The following EIF4B variants were observed in gnomAD, a reference collection of about 807,000 sequenced individuals.
The protein encoded by EIF4B is eukaryotic translation initiation factor 4B.
EIF4B carries 8 observed loss-of-function variants against 79.3 expected under a neutral mutation model. The ratio of observed to expected loss-of-function variants is 0.10; its 90% CI spans 0.06 to 0.18. The LOEUF is 0.18. Ranked by LOEUF, EIF4B falls within the 10% of genes least tolerant of loss-of-function variation. EIF4B has a pLI of 1.00. For synonymous variants in EIF4B, 238 were observed against 274.7 expected (o/e 0.87, Z 1.32); for missense variants, 515 against 792.4 (o/e 0.65, Z 4.20).
intron 1 of EIF4B, among the ~76,000 whole-genome samples, chr12:53,011,731 G>C (rs570916997): frequency 6.6e-6 from 1 of 152,278 alleles, no homozygotes; most frequent in East Asian, 1.9e-4. Flanking sequence ...TTGTTTAACG[G>C]CTTCTGGACT....
chr12:53,026,805 GT>G (rs1197311696), intron 6 of EIF4B, among the ~76,000 whole-genome samples: 3 of 152,012 alleles, frequency 2.0e-5, no homozygotes, highest in Admixed American at 2.0e-4. Flanking sequence ...GTTTCACCAT[GT>G]TGCCCAGGCT....
chr12:53,027,137 A>AATTTTTTTTTTTTT (rs1491387300), intron 6 of EIF4B, among the ~76,000 whole-genome samples: 2 of 25,744 alleles, frequency 7.8e-5, no homozygotes, highest in East Asian at 3.4e-3. Context: ...AAAAAAAAAA[A>AATTTTTTTTTTTTT]TTTTTTTTTT....
At position 53,015,842 on chromosome 12, in the gene EIF4B, G is replaced by C. The variant is rs560979123; in HGVS notation, c.14-631G>C. Among the ~76,000 whole-genome samples the C allele has an allele frequency of 3.3e-5, 5 of 151,886 alleles. No homozygotes were observed. In the South Asian group the frequency reaches 8.3e-4, roughly 25 times the overall value. The stretch of plus-strand genomic sequence containing the variant: ...AAACACAAAAAATTAGCTGGGCATG[G>C]TGGCGGGTGCCTGTAATCCCAAGTA... On this transcript the variant is annotated intron_variant, in intron 1 of 14. Transcript: ENST00000262056.
rs1943639924 is a variant in EIF4B, at chr12:53,041,569, C to T, written c.*1346C>T. 6.6e-6 allele frequency: 1 copy of T among 152,062 alleles called. No homozygotes were observed. The highest frequency in any genetic ancestry group is 2.4e-5 in the African/African-American group (1 of 41,406). 9.4% of individuals were successfully genotyped at this position (152,062 alleles called of 1,614,324 possible). A position where few individuals can be genotyped will look rare whatever the true frequency, so the allele number is the denominator to read the frequency against. Reference sequence around the variant, plus strand: ...ATGGAGAGAACTATTTAACAAGGTCCTGGTTTCTCTTGCAACACAGTAGCT... The same window carrying T: ...ATGGAGAGAACTATTTAACAAGGTCTTGGTTTCTCTTGCAACACAGTAGCT... On this transcript the variant is annotated 3_prime_UTR_variant, in exon 15 of 15. Transcript: ENST00000262056.
intron 6 of EIF4B, 135 bp from the exon 7 acceptor site, chr12:53,027,646 AC>A: frequency 7.1e-7 from 1 of 1,416,852 alleles, no homozygotes; most frequent in Non-Finnish European, 9.4e-7. Context: ...CAATTATTTC[AC>A]CAGGGAAACT....
intron 14 of EIF4B, 163 bp from the exon 15 acceptor site, chr12:53,039,980 A>C: frequency 3.8e-6 from 3 of 787,184 alleles, no homozygotes; most frequent in Non-Finnish European, 6.2e-6. Flanking sequence ...TGTGCCTCTG[A>C]CCCTCTTCCC....
intron 6 of EIF4B, 25 bp from the exon 7 acceptor site, chr12:53,027,757 G>A (rs202242343): frequency 6.9e-6 from 11 of 1,602,974 alleles, no homozygotes; most frequent in Non-Finnish European, 9.4e-6. Flanking sequence ...AAAAGGGGAT[G>A]GTGTTACTTG....
intron 4 of EIF4B, 152 bp downstream of exon 4, chr12:53,020,178 A>G (rs1404076486): frequency 3.4e-6 from 2 of 591,468 alleles, no homozygotes; most frequent in Non-Finnish European, 5.6e-6. Context: ...GTATCACTTA[A>G]CATCGAACAT....
At chr12:53,034,814 T>C in intron 10 of EIF4B, 105 bp downstream of exon 10, 1 of 1,294,584 alleles carries the variant, frequency 7.7e-7, no homozygotes, top group East Asian at 2.4e-5. Flanking sequence ...TCATGAACTC[T>C]TTATTTGGGT....
At chr12:53,040,012 T>C in intron 14 of EIF4B, 131 bp from the exon 15 acceptor site, 5 of 1,031,562 alleles carry the variant, frequency 4.8e-6, no homozygotes, top group Non-Finnish European at 7.3e-6. Context: ...CAATGGACAA[T>C]GCTGATGAGC....
chr12:53,026,767 A>G (rs1943341347), intron 6 of EIF4B, among the ~76,000 whole-genome samples: 1 of 151,992 alleles, frequency 6.6e-6, no homozygotes, highest in South Asian at 2.1e-4. Context: ...ATGCCCGGCT[A>G]ATTTTTTGTA....
intron 1 of EIF4B, among the ~76,000 whole-genome samples, chr12:53,008,809 G>A (rs1943012963): frequency 6.6e-6 from 1 of 152,178 alleles, no homozygotes; most frequent in African/African-American, 2.4e-5. Context: ...GGTCGAGGCG[G>A]GCGGATCACT....
At chr12:53,030,087 T>TA (rs1943408846) in intron 8 of EIF4B, among the ~76,000 whole-genome samples, 1 of 127,724 alleles carries the variant, frequency 7.8e-6, no homozygotes, top group South Asian at 2.9e-4. Flanking sequence ...CTGAGCGTGG[T>TA]AGCATGTGCC....
intron 1 of EIF4B, among the ~76,000 whole-genome samples, chr12:53,012,468 C>T (rs1235426126): frequency 6.6e-6 from 1 of 151,078 alleles, no homozygotes; most frequent in Non-Finnish European, 1.5e-5. Context: ...GCAGGAGAAT[C>T]GCTTGAACCC....
At chr12:53,023,957 C>T (rs1016971714) in intron 6 of EIF4B, among the ~76,000 whole-genome samples, 1 of 152,166 alleles carries the variant, frequency 6.6e-6, no homozygotes, top group Non-Finnish European at 1.5e-5. Context: ...AACAAAGATA[C>T]AGCAGTGTAA....
chr12:53,007,528 C>T (rs1045085071), intron 1 of EIF4B, among the ~76,000 whole-genome samples: 3 of 147,420 alleles, frequency 2.0e-5, no homozygotes, highest in Non-Finnish European at 4.4e-5. Context: ...CTTTAGACAA[C>T]CTTGGAGGGG....
chr12:53,012,004 C>T (rs1196492543), intron 1 of EIF4B: 1 of 152,182 alleles, frequency 6.6e-6, no homozygotes, highest in South Asian at 2.1e-4. Flanking sequence ...AGAGGGAACA[C>T]TGTTGAAATC....
At chr12:53,018,744 G>T in intron 2 of EIF4B, 54 bp from the exon 3 acceptor site, 2 of 1,595,272 alleles carry the variant, frequency 1.3e-6, no homozygotes, top group South Asian at 2.2e-5. Context: ...CTTGTTCTAT[G>T]ACAGTAGTGA....
At chr12:53,010,294 C>T (rs779855176) in intron 1 of EIF4B, among the ~76,000 whole-genome samples, 4 of 152,198 alleles carry the variant, frequency 2.6e-5, no homozygotes, top group Non-Finnish European at 5.9e-5. Flanking sequence ...TGAGTTTTGA[C>T]TCAGTCTTTA....
Sources: gnomAD v4.1 joint callset for allele counts (sites outside exome capture counted in the v4.1 genomes callset) on GRCh38, gnomAD v4.1.1 for gene constraint, MANE v1.5 for transcripts, NCBI Gene and HGNC (gene_info 2026-07-23, HGNC 2026-07-21) for gene names.